The following ADAMTS6 variants were observed in gnomAD, a reference collection of about 807,000 sequenced individuals.
The protein encoded by ADAMTS6 is A disintegrin and metalloproteinase with thrombospondin motifs 6.
In ADAMTS6, 23 loss-of-function variants were observed where a neutral mutation model predicts 144.3. The ratio of observed to expected loss-of-function variants is 0.16; its 90% CI spans 0.11 to 0.23. The LOEUF (loss-of-function observed/expected upper bound fraction) is 0.23. Among genes scored for constraint, ADAMTS6 ranks in the 10% least tolerant of loss-of-function variants. The probability of loss-of-function intolerance (pLI) is 1.00; values close to 1 mark genes in which losing one functional copy is unlikely to be tolerated. For synonymous variants in ADAMTS6, 444 were observed against 457.5 expected (o/e 0.97, Z 0.38); for missense variants, 999 against 1,379.6 (o/e 0.72, Z 4.37).
chr5:65,286,941 A>C (rs1300315262), intron 11 of ADAMTS6, among the ~76,000 whole-genome samples: 1 of 152,228 alleles, frequency 6.6e-6, no homozygotes, highest in South Asian at 2.1e-4. Flanking sequence ...TGGAAGAGAC[A>C]ACAGATTCTC....
At chr5:65,291,579 C>A in intron 10 of ADAMTS6, 109 bp from the exon 11 acceptor site, 2 of 1,145,516 alleles carry the variant, frequency 1.7e-6, no homozygotes, top group Non-Finnish European at 1.2e-6. Context: ...GCATGAAAAA[C>A]AATACATTCT....
chr5:65,464,769 C>G (rs959861122), intron 3 of ADAMTS6, among the ~76,000 whole-genome samples: 1 of 152,178 alleles, frequency 6.6e-6, no homozygotes, highest in Non-Finnish European at 1.5e-5. Context: ...ATATTTGGAG[C>G]CTTCTATAAT....
chr5:65,229,675 G>A lies in ADAMTS6; in HGVS notation c.1934-3456C>T, dbSNP rs531185080. Among the ~76,000 whole-genome samples, 7 of 152,206 alleles carry A rather than the reference G, an allele frequency of 4.6e-5. No individual in the cohort carries two copies. In the East Asian group the frequency reaches 1.4e-3, roughly 29 times the overall value. On this transcript the variant is annotated intron_variant, in intron 15 of 24. Coordinates refer to ENST00000381055, the MANE Select transcript of ADAMTS6 (RefSeq NM_197941.4). The stretch of plus-strand genomic sequence containing the variant: ...AATGAAAAATGTAATAGCATCAACA[G>A]TAGACTTGATCCAGCAGAAGAAAGA...
At chr5:65,358,972 AT>A (rs1749588338) in intron 7 of ADAMTS6, among the ~76,000 whole-genome samples, 1 of 152,150 alleles carries the variant, frequency 6.6e-6, no homozygotes, top group Non-Finnish European at 1.5e-5. Flanking sequence ...TTGGGCAATG[AT>A]TTTCTGGATA....
intron 7 of ADAMTS6, among the ~76,000 whole-genome samples, chr5:65,412,856 A>G (rs1755165875): frequency 6.6e-6 from 1 of 152,194 alleles, no homozygotes; most frequent in South Asian, 2.1e-4. Context: ...TACTGATACC[A>G]GAGTTTTTTA....
rs183746485 is a variant in ADAMTS6, at chr5:65,256,796, G to A, written c.1830+3804C>T. ...TGGAATGAGTTGGGAATTGAGAGGT[G>A]GGTTTGATTTTTTCTCACTTCTACC... On this transcript the variant is annotated intron_variant, in intron 14 of 24. Transcript: ENST00000381055. Among the ~76,000 whole-genome samples the A allele has an allele frequency of 5.7e-4, 87 of 151,948 alleles. No individual in the cohort carries two copies. The South Asian group carries it at 9.6e-3, about 17-fold the overall frequency.
chr5:65,398,336 G>A (rs1442322838), intron 7 of ADAMTS6, among the ~76,000 whole-genome samples: 1 of 152,144 alleles, frequency 6.6e-6, no homozygotes, highest in Non-Finnish European at 1.5e-5. Context: ...ATTAAAGATT[G>A]TTATGTCTCT....
At chr5:65,373,914 T>C (rs1049489876) in intron 7 of ADAMTS6, among the ~76,000 whole-genome samples, 38 of 152,176 alleles carry the variant, frequency 2.5e-4, no homozygotes, top group Non-Finnish European at 5.0e-4. Context: ...TCTGCCATGA[T>C]CAAGTGGGCT....
chr5:65,409,462 C>T (rs1351244880), intron 7 of ADAMTS6, among the ~76,000 whole-genome samples: 6 of 152,084 alleles, frequency 3.9e-5, no homozygotes, highest in Non-Finnish European at 7.4e-5. Context: ...AAGTTGAATC[C>T]CTGAATAGAC....
chr5:65,276,322 T>G (rs540280287), intron 11 of ADAMTS6, among the ~76,000 whole-genome samples: 1 of 152,306 alleles, frequency 6.6e-6, no homozygotes, highest in East Asian at 1.9e-4. Flanking sequence ...GTAAAATCAC[T>G]GTTTAAAGTA....
intron 7 of ADAMTS6, among the ~76,000 whole-genome samples, chr5:65,386,705 A>C (rs546482396): frequency 6.6e-6 from 1 of 152,280 alleles, no homozygotes; most frequent in African/African-American, 2.4e-5. Context: ...CTCCTGCCTC[A>C]GCCCCAAGAG....
intron 7 of ADAMTS6, among the ~76,000 whole-genome samples, chr5:65,357,312 G>GT (rs2150098831): frequency 6.6e-6 from 1 of 151,822 alleles, no homozygotes; most frequent in East Asian, 1.9e-4. Flanking sequence ...TCTTACATTT[G>GT]TAAGATGTAA....
intron 9 of ADAMTS6, among the ~76,000 whole-genome samples, chr5:65,310,356 T>C (rs935819905): frequency 6.6e-6 from 1 of 152,030 alleles, no homozygotes; most frequent in Admixed American, 6.6e-5. Context: ...TGAGACCCTG[T>C]CTCTACAAAA....
At chr5:65,444,060 C>A (rs1758078482) in intron 7 of ADAMTS6, among the ~76,000 whole-genome samples, 2 of 152,238 alleles carry the variant, frequency 1.3e-5, no homozygotes, top group South Asian at 4.1e-4. Context: ...TCATCTCAGA[C>A]AACATGATCA....
intron 20 of ADAMTS6, among the ~76,000 whole-genome samples, chr5:65,207,193 T>G (rs190432143): frequency 2.6e-4 from 39 of 152,306 alleles, no homozygotes; most frequent in Admixed American, 5.9e-4. Flanking sequence ...AAGCAATGTT[T>G]GGCAGAGAGA....
chr5:65,249,508 T>G (rs1322421478), intron 14 of ADAMTS6, among the ~76,000 whole-genome samples: 1 of 152,176 alleles, frequency 6.6e-6, no homozygotes, highest in Non-Finnish European at 1.5e-5. Context: ...CTTGGTGCAG[T>G]CTCTTCCAAG....
chr5:65,381,529 A>ATTTTT (rs748143650), intron 7 of ADAMTS6, among the ~76,000 whole-genome samples: 15 of 103,128 alleles, frequency 1.5e-4, no homozygotes, highest in East Asian at 1.2e-3. Context: ...TGCCTGGCTA[A>ATTTTT]TTTTTTTTTT....
intron 7 of ADAMTS6, among the ~76,000 whole-genome samples, chr5:65,431,508 C>T (rs527437676): frequency 6.6e-6 from 1 of 152,228 alleles, no homozygotes; most frequent in African/African-American, 2.4e-5. Flanking sequence ...TATGTGTAAA[C>T]TAACCATAAG....
intron 3 of ADAMTS6, 21 bp downstream of exon 3, chr5:65,470,757 A>C: frequency 6.6e-7 from 1 of 1,524,438 alleles, no homozygotes; most frequent in Non-Finnish European, 8.7e-7. Flanking sequence ...TCAGAAGTTT[A>C]AAATTATAGC....
Sources: gnomAD v4.1 joint callset for allele counts (sites outside exome capture counted in the v4.1 genomes callset) on GRCh38, gnomAD v4.1.1 for gene constraint, MANE v1.5 for transcripts, NCBI Gene and HGNC (gene_info 2026-07-23, HGNC 2026-07-21) for gene names.